Variants in PRKN observed in about 807,000 individuals in gnomAD.
PRKN encodes the protein parkin RBR E3 ubiquitin protein ligase.
Under a neutral mutation model 59.5 loss-of-function variants are expected in PRKN, and 56 were observed. That is an observed-to-expected ratio of 0.94 (90% confidence interval 0.76 to 1.18). PRKN has a LOEUF of 1.18. PRKN is among the 50% of genes most tolerant of loss of function. The pLI is 0.00. For missense variants in PRKN, 657 were observed against 596.4 expected (o/e 1.10, Z -1.06); for synonymous variants, 250 against 222.1 (o/e 1.13, Z -1.12).
intron 7 of PRKN, among the ~76,000 whole-genome samples, chr6:161,629,394 C>T (rs1783211130): frequency 6.6e-6 from 1 of 152,086 alleles, no homozygotes. Context: ...ACAAGCCTCT[C>T]CCCTGCACCC....
intron 2 of PRKN, among the ~76,000 whole-genome samples, chr6:162,374,721 G>A (rs1204893190): frequency 6.6e-6 from 1 of 151,930 alleles, no homozygotes; most frequent in African/African-American, 2.4e-5. Flanking sequence ...GGGTTGAAGA[G>A]GGACCAGTTG....
intron 3 of PRKN, among the ~76,000 whole-genome samples, chr6:162,254,143 C>A (rs1490639333): frequency 6.6e-6 from 1 of 152,014 alleles, no homozygotes; most frequent in Non-Finnish European, 1.5e-5. Flanking sequence ...GGTAAAGATC[C>A]ATGTATTTGA....
intron 1 of PRKN, among the ~76,000 whole-genome samples, chr6:162,666,510 C>A (rs532489479): frequency 6.2e-4 from 94 of 151,970 alleles, no homozygotes; most frequent in Non-Finnish European, 1.2e-3. Context: ...CCTAGGAGAG[C>A]GAAATGTCCT....
Position 161,423,022 on chromosome 6 carries a change from A to G in PRKN, c.1084-36145T>C, listed in dbSNP as rs891863862. On this transcript the variant is annotated intron_variant, in intron 9 of 11. Coordinates refer to ENST00000366898, the MANE Select transcript of PRKN (RefSeq NM_004562.3). The surrounding 1 kb of genome is among the most constrained non-coding windows in gnomAD (Gnocchi z 5.9). ...TATTTGTGTCTTTTAGAAAGCATTT[A>G]TATTTCCTATAAATCCATTTACATG... Among the ~76,000 whole-genome samples the G allele has an allele frequency of 2.6e-5, 4 of 152,222 alleles. No homozygotes were observed. The highest frequency in any genetic ancestry group is 5.9e-5 in the Non-Finnish European group (4 of 68,030).
chr6:162,479,029 C>A (rs1792165732), intron 1 of PRKN, among the ~76,000 whole-genome samples: 1 of 152,050 alleles, frequency 6.6e-6, no homozygotes, highest in Admixed American at 6.6e-5. Flanking sequence ...TAGAAAAAAA[C>A]ATTTCCTTTC....
chr6:161,694,592 A>G (rs922274887), intron 7 of PRKN, among the ~76,000 whole-genome samples: 5 of 152,188 alleles, frequency 3.3e-5, no homozygotes, highest in African/African-American at 9.6e-5. Context: ...AGACAATCAC[A>G]TCATGTCCAT....
chr6:161,659,963 T>A (rs1169878339), intron 7 of PRKN, among the ~76,000 whole-genome samples: 1 of 152,072 alleles, frequency 6.6e-6, no homozygotes, highest in East Asian at 1.9e-4. Context: ...GGGGTACTGG[T>A]TATAATAACT....
intron 9 of PRKN, among the ~76,000 whole-genome samples, chr6:161,424,952 G>T (rs990273461): frequency 6.6e-6 from 1 of 152,130 alleles, no homozygotes; most frequent in African/African-American, 2.4e-5. Context: ...ACTGTCGAGG[G>T]AGACTATGGG....
intron 1 of PRKN, among the ~76,000 whole-genome samples, chr6:162,499,997 C>T (rs898514814): frequency 6.6e-6 from 1 of 151,870 alleles, no homozygotes; most frequent in African/African-American, 2.4e-5. Flanking sequence ...GTTAAGGATG[C>T]CATCTAGAAC....
At chr6:162,166,197 T>C (rs1782982703) in intron 4 of PRKN, among the ~76,000 whole-genome samples, 1 of 151,354 alleles carries the variant, frequency 6.6e-6, no homozygotes, top group Non-Finnish European at 1.5e-5. Context: ...TAGACAAAAA[T>C]ACTTCTCAGC....
intron 5 of PRKN, among the ~76,000 whole-genome samples, chr6:161,995,065 C>T (rs1170027160): frequency 6.6e-6 from 1 of 152,076 alleles, no homozygotes; most frequent in African/African-American, 2.4e-5. Context: ...GTAACCAAAA[C>T]AGTAGGGTAC....
chr6:162,213,080 A>G (rs2128075265), intron 3 of PRKN, among the ~76,000 whole-genome samples: 1 of 152,306 alleles, frequency 6.6e-6, no homozygotes, highest in South Asian at 2.1e-4. Context: ...TAAATTGATA[A>G]TTTATCAGTC....
intron 7 of PRKN, among the ~76,000 whole-genome samples, chr6:161,698,423 C>A (rs912672412): frequency 1.3e-5 from 2 of 152,060 alleles, no homozygotes; most frequent in Admixed American, 6.6e-5. Flanking sequence ...GTCTAAGAAA[C>A]CACAGTAGTT....
rs1790119329 is a variant in PRKN at position 161,459,695 on chromosome 6, T to C, written c.1084-72818A>G. On this transcript the variant is annotated intron_variant, in intron 9 of 11. Coordinates refer to ENST00000366898, the MANE Select transcript of PRKN (RefSeq NM_004562.3). The surrounding 1 kb of genome is among the most constrained non-coding windows in gnomAD (Gnocchi z 4.8). Reference sequence around the variant, plus strand: ...CTGTTTAGAGGTTTCCACTTATATGTAGATTTGTCCAGGGTCCTAGGAAAC... The same window carrying C: ...CTGTTTAGAGGTTTCCACTTATATGCAGATTTGTCCAGGGTCCTAGGAAAC... Among the ~76,000 whole-genome samples, 1 of 152,230 alleles carries C rather than the reference T, an allele frequency of 6.6e-6. No individual in the cohort carries two copies. The highest frequency in any genetic ancestry group is 1.5e-5 in the Non-Finnish European group (1 of 68,042).
At chr6:162,079,240 C>T (rs1778959906) in intron 4 of PRKN, among the ~76,000 whole-genome samples, 1 of 152,074 alleles carries the variant, frequency 6.6e-6, no homozygotes, top group African/African-American at 2.4e-5. Flanking sequence ...GGAAATGAAG[C>T]AATCTATTTG....
chr6:162,407,134 C>T (rs1562740337), intron 2 of PRKN, among the ~76,000 whole-genome samples: 1 of 152,170 alleles, frequency 6.6e-6, no homozygotes, highest in East Asian at 1.9e-4. Flanking sequence ...TGGGACTACT[C>T]TATTCCCTCA....
chr6:161,622,710 T>G (rs1288874344), intron 7 of PRKN, among the ~76,000 whole-genome samples: 2 of 152,194 alleles, frequency 1.3e-5, no homozygotes, highest in Non-Finnish European at 2.9e-5. Flanking sequence ...CTGGGAAAGT[T>G]GATTTATGAG....
At chr6:161,913,110 T>G (rs935678591) in intron 6 of PRKN, among the ~76,000 whole-genome samples, 1 of 140,238 alleles carries the variant, frequency 7.1e-6, no homozygotes, top group African/African-American at 2.7e-5. Flanking sequence ...GAGGCTGCAG[T>G]GAGCTGAGAT....
intron 1 of PRKN, among the ~76,000 whole-genome samples, chr6:162,582,801 C>G (rs1350780146): frequency 1.3e-5 from 2 of 152,160 alleles, no homozygotes; most frequent in Non-Finnish European, 2.9e-5. Context: ...TGAATTATAA[C>G]ACATGATATT....
Sources: allele counts gnomAD v4.1 joint callset (sites outside exome capture counted in the v4.1 genomes callset), GRCh38; gene constraint gnomAD v4.1.1; non-coding constraint Gnocchi (gnomAD v3.1); transcripts MANE v1.5; gene names NCBI Gene and HGNC (gene_info 2026-07-23, HGNC 2026-07-21).